SPOCK1: variants seen among roughly 807,000 people sequenced by gnomAD.
SPOCK1 encodes the protein testican-1.
SPOCK1 carries 23 observed loss-of-function variants against 55.3 expected under a neutral mutation model. The ratio of observed to expected loss-of-function variants is 0.42; its 90% CI spans 0.30 to 0.59. SPOCK1 has a LOEUF of 0.59. SPOCK1 is among the 20% of genes least tolerant of loss of function. SPOCK1 has a pLI of 0.22. For missense variants in SPOCK1, 499 were observed against 552.5 expected, an observed-to-expected ratio of 0.90 and a Z score of 0.97; for synonymous variants, 226 against 221.0, an observed-to-expected ratio of 1.02 and a Z score of -0.20.
intron 3 of SPOCK1, among the ~76,000 whole-genome samples, chr5:137,256,419 C>A (rs1216302122): frequency 6.6e-6 from 1 of 152,142 alleles, no homozygotes; most frequent in African/African-American, 2.4e-5. Context: ...AGTCCAAGAT[C>A]AAGGGGCTGC....
chr5:137,103,683 A>G (rs965168), intron 5 of SPOCK1, among the ~76,000 whole-genome samples: 87,601 of 152,116 alleles, frequency 0.58, 26,895 homozygotes, highest in East Asian at 0.77. Context: ...GGTTTTTGTT[A>G]TAGCAGCTAC....
intron 3 of SPOCK1, among the ~76,000 whole-genome samples, chr5:137,160,034 G>C (rs1580782645): frequency 1.3e-5 from 2 of 151,804 alleles, no homozygotes; most frequent in Admixed American, 6.6e-5. Flanking sequence ...TCTTTAGTGG[G>C]GATTTGTGAG....
chr5:137,178,736 T>G (rs1292345659), intron 3 of SPOCK1, among the ~76,000 whole-genome samples: 1 of 152,232 alleles, frequency 6.6e-6, no homozygotes, highest in Non-Finnish European at 1.5e-5. Context: ...AATGAAGATT[T>G]GTTCAGACTA....
At chr5:137,422,111 C>T (rs189417512) in intron 2 of SPOCK1, among the ~76,000 whole-genome samples, 88 of 152,334 alleles carry the variant, frequency 5.8e-4, no homozygotes, top group Middle Eastern at 3.4e-3. Context: ...TCTCTAAGGA[C>T]GTTGAATATT....
chr5:137,226,577 A>T (rs184095765), intron 3 of SPOCK1, among the ~76,000 whole-genome samples: 233 of 152,298 alleles, frequency 1.5e-3, no homozygotes, highest in African/African-American at 5.4e-3. Context: ...CAAACCCCTC[A>T]ATATGGCTGA....
At chr5:137,356,636 C>T (rs1005820328) in intron 2 of SPOCK1, among the ~76,000 whole-genome samples, 61 of 150,130 alleles carry the variant, frequency 4.1e-4, no homozygotes, top group Non-Finnish European at 7.4e-4. Context: ...TACTAAAATA[C>T]AAAAAATAGC....
chr5:137,140,820 G>A (rs568190001), intron 3 of SPOCK1, 126 bp from the exon 4 acceptor site: 116 of 547,146 alleles, frequency 2.1e-4, no homozygotes, highest in African/African-American at 7.5e-4. Flanking sequence ...GTGCGGTGGC[G>A]CGATCTCAGC....
At chr5:137,007,130 A>G (rs1357204629) in intron 6 of SPOCK1, among the ~76,000 whole-genome samples, 1 of 152,218 alleles carries the variant, frequency 6.6e-6, no homozygotes, top group Non-Finnish European at 1.5e-5. Context: ...CACCTCATAC[A>G]AAAATTAACT....
intron 3 of SPOCK1, among the ~76,000 whole-genome samples, chr5:137,187,945 C>T (rs796924484): frequency 3.9e-5 from 6 of 152,302 alleles, no homozygotes; most frequent in African/African-American, 1.4e-4. Context: ...GTGGAAGTAA[C>T]AATGGCTCAA....
At chr5:137,458,303 G>A (rs1390848551) in intron 2 of SPOCK1, among the ~76,000 whole-genome samples, 1 of 152,210 alleles carries the variant, frequency 6.6e-6, no homozygotes, top group East Asian at 1.9e-4. Flanking sequence ...CTCTTGACCA[G>A]CTAGGAAGGG....
chr5:137,079,543 C>CCA (rs374718192), intron 5 of SPOCK1, among the ~76,000 whole-genome samples: 1 of 147,836 alleles, frequency 6.8e-6, no homozygotes, highest in Non-Finnish European at 1.5e-5. Context: ...TCCCCCCCCC[C>CCA]CCGACTTAGT....
chr5:137,186,074 C>A (rs1408128549), intron 3 of SPOCK1, among the ~76,000 whole-genome samples: 1 of 152,216 alleles, frequency 6.6e-6, no homozygotes, highest in Admixed American at 6.5e-5. Flanking sequence ...TCCTCACAAG[C>A]ACAAAGCCTT....
At chr5:137,288,832 C>T (rs1757313938) in intron 2 of SPOCK1, among the ~76,000 whole-genome samples, 1 of 152,198 alleles carries the variant, frequency 6.6e-6, no homozygotes, top group African/African-American at 2.4e-5. Context: ...ACTAAGGTGA[C>T]TGTTGACTTC....
At chr5:137,221,176 C>T (rs1755840745) in intron 3 of SPOCK1, among the ~76,000 whole-genome samples, 1 of 152,118 alleles carries the variant, frequency 6.6e-6, no homozygotes, top group Admixed American at 6.5e-5. Flanking sequence ...TTGGAAATTT[C>T]CATTTTAAAT....
chr5:137,067,719 C>G lies in SPOCK1; in HGVS notation c.585G>C (p.Arg195Ser), dbSNP rs772327951. Residue 195 changes from arginine to serine, a missense_variant, in exon 6 of 11, where the codon AGG becomes AGC. Physicochemically the swap from Arg to Ser is moderately radical, Grantham distance 110 (BLOSUM62 -1). Around this residue, in one of 3 missense-constraint regions of SPOCK1, gnomAD observed 386 missense variants for 400.6 expected, o/e 0.96. Transcript: ENST00000394945. ...CTGAAGGAAACCCTCACTCACCACTCCTTTCTGCCTTGTGCTTTGGTGGCT... is the reference window on the plus strand; with the variant it reads ...CTGAAGGAAACCCTCACTCACCACTGCTTTCTGCCTTGTGCTTTGGTGGCT... ...EPEPPKHKAE[R>S]SACTDKELRN... is the part of the protein sequence containing the mutation. The G allele has an allele frequency of 3.1e-6, 5 of 1,614,018 alleles. No individual in the cohort carries two copies. In the Admixed American group the frequency reaches 8.3e-5, roughly 27 times the overall value.
chr5:137,002,616 C>T (rs78515720), intron 6 of SPOCK1, among the ~76,000 whole-genome samples: 14 of 152,316 alleles, frequency 9.2e-5, no homozygotes, highest in Non-Finnish European at 1.9e-4. Flanking sequence ...GCATCATACC[C>T]AGCAGTTTTA....
chr5:137,362,305 A>C (rs1047661690), intron 2 of SPOCK1, among the ~76,000 whole-genome samples: 1 of 151,890 alleles, frequency 6.6e-6, no homozygotes, highest in African/African-American at 2.4e-5. Context: ...CCATTTATTA[A>C]GGACTTAACA....
At chr5:137,323,778 G>A (rs759703152) in intron 2 of SPOCK1, among the ~76,000 whole-genome samples, 22 of 152,090 alleles carry the variant, frequency 1.4e-4, no homozygotes, top group East Asian at 3.8e-4. Context: ...ACCACAATAC[G>A]ATATTACCTC....
chr5:137,040,135 T>A (rs1449317439), intron 6 of SPOCK1, among the ~76,000 whole-genome samples: 2 of 152,166 alleles, frequency 1.3e-5, no homozygotes, highest in African/African-American at 4.8e-5. Flanking sequence ...GCCCACTAGG[T>A]GGTGATGCCC....
Sources: allele counts gnomAD v4.1 joint callset (sites outside exome capture counted in the v4.1 genomes callset), GRCh38; gene constraint gnomAD v4.1.1; regional missense constraint gnomAD v4.1.1; transcripts MANE v1.5; gene names NCBI Gene and HGNC (gene_info 2026-07-23, HGNC 2026-07-21).